Variants in PKNOX2 observed in about 807,000 individuals in gnomAD.
The protein encoded by PKNOX2 is PBX/knotted 1 homeobox 2.
PKNOX2 carries 14 observed loss-of-function variants against 53.1 expected under a neutral mutation model. That is an observed-to-expected ratio of 0.26 (90% CI 0.17 to 0.41). The LOEUF is 0.41. Ranked by LOEUF, PKNOX2 falls within the 10% of genes least tolerant of loss-of-function variation. The pLI is 1.00. For missense variants in PKNOX2, 496 were observed against 602.8 expected, an observed-to-expected ratio of 0.82 and a Z score of 1.85; for synonymous variants, 257 against 242.8, an observed-to-expected ratio of 1.06 and a Z score of -0.54.
At chr11:125,204,870 G>A (rs1938886767) in intron 1 of PKNOX2, among the ~76,000 whole-genome samples, 1 of 152,172 alleles carries the variant, frequency 6.6e-6, no homozygotes, top group Non-Finnish European at 1.5e-5. Flanking sequence ...GCTTAGCAGA[G>A]ACTGTCTGGT....
chr11:125,384,273 T>C (rs920966117), intron 5 of PKNOX2, among the ~76,000 whole-genome samples: 4 of 152,196 alleles, frequency 2.6e-5, no homozygotes, highest in Non-Finnish European at 5.9e-5. Context: ...GCTCACAGTC[T>C]AGTGAGGAAG....
At chr11:125,182,055 G>A (rs144539945) in intron 1 of PKNOX2, among the ~76,000 whole-genome samples, 1 of 152,326 alleles carries the variant, frequency 6.6e-6, no homozygotes, top group Non-Finnish European at 1.5e-5. Context: ...GCTCTCCTCA[G>A]CGGAGTTACT....
intron 1 of PKNOX2, among the ~76,000 whole-genome samples, chr11:125,209,234 A>C (rs764689505): frequency 5.3e-5 from 8 of 152,106 alleles, no homozygotes; most frequent in African/African-American, 1.2e-4. Flanking sequence ...TGAAGAAGCA[A>C]AGTCTCTGAA....
At chr11:125,372,908 A>T (rs1952632878) in intron 5 of PKNOX2, among the ~76,000 whole-genome samples, 1 of 152,230 alleles carries the variant, frequency 6.6e-6, no homozygotes, top group Non-Finnish European at 1.5e-5. Context: ...TAGTTCAATA[A>T]AAGCAATGTG....
At chr11:125,300,561 C>CAG (rs967835308) in intron 2 of PKNOX2, among the ~76,000 whole-genome samples, 6 of 151,410 alleles carry the variant, frequency 4.0e-5, no homozygotes, top group Non-Finnish European at 8.8e-5. Flanking sequence ...TGTGCGTGCA[C>CAG]AGAGAGAGAG....
At chr11:125,192,666 C>T (rs962727573) in intron 1 of PKNOX2, among the ~76,000 whole-genome samples, 5 of 152,176 alleles carry the variant, frequency 3.3e-5, no homozygotes, top group African/African-American at 1.2e-4. Flanking sequence ...TTCAGCAGCC[C>T]TGGAAGGGAG....
At position 125,382,995 on chromosome 11, in the gene PKNOX2, G is replaced by A. The variant is rs191011788; in HGVS notation, c.228-2556G>A. 2.7e-3 allele frequency among the ~76,000 whole-genome samples: 409 copies of A among 152,176 alleles called. 3 individuals carry two copies. Among genetic ancestry groups the A allele is most frequent in the African/African-American group, 8.7e-3 (363 of 41,524 alleles). On this transcript the variant is annotated intron_variant, in intron 5 of 12. Transcript: ENST00000298282. ...CCTGGGGCCCAGCAGTTTAGGCATC[G>A]GCTTCCAAAACCAGGGTCGGGGAGA...
intron 2 of PKNOX2, among the ~76,000 whole-genome samples, chr11:125,266,263 CAAGTT>C (rs1301220167): frequency 3.3e-5 from 5 of 152,192 alleles, no homozygotes; most frequent in African/African-American, 1.2e-4. Flanking sequence ...GAGGCTCAGA[CAAGTT>C]AAGTCACTTG....
intron 2 of PKNOX2, among the ~76,000 whole-genome samples, chr11:125,289,019 C>A (rs771871768): frequency 6.6e-6 from 1 of 152,226 alleles, no homozygotes; most frequent in Non-Finnish European, 1.5e-5. Context: ...TAACATGTAA[C>A]AACATAGCAC....
At chr11:125,417,868 C>A (rs796284852) in intron 10 of PKNOX2, among the ~76,000 whole-genome samples, 70 of 152,152 alleles carry the variant, frequency 4.6e-4, no homozygotes, top group African/African-American at 1.6e-3. Flanking sequence ...CCATCCACCA[C>A]CCCATCTTCC....
intron 1 of PKNOX2, among the ~76,000 whole-genome samples, chr11:125,201,622 C>G (rs933293899): frequency 6.6e-6 from 1 of 152,112 alleles, no homozygotes; most frequent in Non-Finnish European, 1.5e-5. Context: ...GAGTATCTGA[C>G]AGATTCACTG....
chr11:125,302,059 G>A (rs924982618), intron 2 of PKNOX2, among the ~76,000 whole-genome samples: 1 of 152,188 alleles, frequency 6.6e-6, no homozygotes, highest in East Asian at 1.9e-4. Context: ...CATCTCAGAC[G>A]CAGTTCGCCA....
intron 1 of PKNOX2, among the ~76,000 whole-genome samples, chr11:125,183,961 T>C (rs1956308782): frequency 2.6e-5 from 4 of 152,150 alleles, no homozygotes; most frequent in Admixed American, 2.0e-4. Context: ...CTGTGGACCC[T>C]CCATTTGCCT....
intron 10 of PKNOX2, among the ~76,000 whole-genome samples, chr11:125,417,240 C>A: frequency 6.6e-6 from 1 of 151,964 alleles, no homozygotes; most frequent in East Asian, 1.9e-4. Flanking sequence ...GTCTTCCTGA[C>A]CTGCCACGTG....
chr11:125,296,177 T>C (rs1291703511), intron 2 of PKNOX2, among the ~76,000 whole-genome samples: 1 of 150,790 alleles, frequency 6.6e-6, no homozygotes, highest in East Asian at 1.9e-4. Context: ...CTTCTCAGCC[T>C]TTTTTTTTCC....
chr11:125,205,316 G>C (rs1329217189), intron 1 of PKNOX2, among the ~76,000 whole-genome samples: 2 of 152,020 alleles, frequency 1.3e-5, no homozygotes, highest in Non-Finnish European at 2.9e-5. Flanking sequence ...GAGCGGGGGA[G>C]AGCTGGTGAA....
chr11:125,387,847 A>G (rs2135394668), intron 6 of PKNOX2, among the ~76,000 whole-genome samples: 1 of 152,280 alleles, frequency 6.6e-6, no homozygotes, highest in Middle Eastern at 3.4e-3. Context: ...GAGATATTTG[A>G]AAGAGTGCTA....
chr11:125,413,221 G>A (rs1374854315), intron 10 of PKNOX2, among the ~76,000 whole-genome samples: 1 of 152,212 alleles, frequency 6.6e-6, no homozygotes, highest in Non-Finnish European at 1.5e-5. Flanking sequence ...CTGGAGTTAA[G>A]GTGAGGAAAG....
At chr11:125,250,065 CAAAAAAAA>C (rs35679690) in intron 2 of PKNOX2, among the ~76,000 whole-genome samples, 3 of 46,986 alleles carry the variant, frequency 6.4e-5, no homozygotes, top group Non-Finnish European at 1.1e-4. Flanking sequence ...AACTCTGTCT[CAAAAAAAA>C]AAAAAAAAAA....
Sources: gnomAD v4.1 joint callset for allele counts (sites outside exome capture counted in the v4.1 genomes callset) on GRCh38, gnomAD v4.1.1 for gene constraint, MANE v1.5 for transcripts, NCBI Gene and HGNC (gene_info 2026-07-23, HGNC 2026-07-21) for gene names.